SLC22A4: variants seen among roughly 807,000 people sequenced by gnomAD.
SLC22A4 encodes solute carrier family 22 member 4, also known as ET transporter.
A neutral mutation model predicts 56.6 loss-of-function variants in SLC22A4; 39 were observed. That is an observed-to-expected ratio of 0.69 (90% CI 0.53 to 0.90). SLC22A4 has a LOEUF of 0.90. Ranked by LOEUF, SLC22A4 falls within the 40% of genes least tolerant of loss-of-function variation. SLC22A4 has a pLI of 0.00. For missense variants in SLC22A4, 594 were observed against 696.5 expected (o/e 0.85, Z 1.66); for synonymous variants, 241 against 281.4 (o/e 0.86, Z 1.44).
chr5:132,294,884 G>A lies in SLC22A4; in HGVS notation c.268G>A (p.Ala90Thr). 1.3e-5 allele frequency: 21 copies of A among 1,598,818 alleles called. No homozygotes were observed. The highest frequency in any genetic ancestry group is 1.8e-5 in the Non-Finnish European group (21 of 1,174,414). ...SCSRYRLATI[A>T]NFSALGLEPG... is the part of the protein sequence containing the mutation. ...CAGCCGCTACCGGCTCGCCACCATCGCCAACTTCTCGGCGCTCGGGCTGGA... is the reference window on the plus strand; with the variant it reads ...CAGCCGCTACCGGCTCGCCACCATCACCAACTTCTCGGCGCTCGGGCTGGA... The change falls in exon 1 of 10, where the codon GCC becomes ACC. Residue 90 changes from alanine to threonine, a missense_variant. Transcript: ENST00000200652. This position sits in a 1 kb window ranked among gnomAD's most constrained non-coding sequence, Gnocchi z 5.6.
intron 4 of SLC22A4, chr5:132,324,665 T>C: frequency 2.2e-6 from 1 of 453,686 alleles, no homozygotes. Flanking sequence ...AAAGGGATGC[T>C]CATCAGTCTA....
intron 4 of SLC22A4, among the ~76,000 whole-genome samples, 175 bp downstream of exon 4, chr5:132,322,530 G>C (rs1256211581): frequency 6.6e-6 from 1 of 152,226 alleles, no homozygotes; most frequent in Non-Finnish European, 1.5e-5. Flanking sequence ...GTGTGCTGGA[G>C]TTTGAGTCTC....
intron 4 of SLC22A4, among the ~76,000 whole-genome samples, chr5:132,323,870 A>G (rs534761206): frequency 3.3e-4 from 51 of 152,276 alleles, no homozygotes; most frequent in African/African-American, 1.2e-3. Flanking sequence ...TCTAGTTGTC[A>G]TTTTGACCTA....
At chr5:132,341,380 C>T (rs272870) in intron 9 of SLC22A4, among the ~76,000 whole-genome samples, 107,221 of 151,778 alleles carry the variant, frequency 0.71, 38,393 homozygotes, top group African/African-American at 0.81. Flanking sequence ...ATCATGCCAC[C>T]GCACTCCAGA....
In SLC22A4 at chr5:132,341,111, C is replaced by T. The variant is rs35186843; in HGVS notation, c.1580+411C>T. Among the ~76,000 whole-genome samples, 599 of 149,602 alleles carry T rather than the reference C, an allele frequency of 4.0e-3. 4 individuals carry two copies. The highest frequency in any genetic ancestry group is 6.4e-3 in the Non-Finnish European group (435 of 67,512). On this transcript the variant is annotated intron_variant, in intron 9 of 9. Coordinates refer to ENST00000200652, the MANE Select transcript of SLC22A4 (RefSeq NM_003059.3). ...AGCCTGGGCAACAAGAGCAAAACTCCGTCTCAAAAAAAATAAATAAATAAT... is the reference window on the plus strand; with the variant it reads ...AGCCTGGGCAACAAGAGCAAAACTCTGTCTCAAAAAAAATAAATAAATAAT...
Position 132,312,183 on chromosome 5 carries a change from A to G in SLC22A4, c.416A>G (p.Asn139Ser). Reference sequence around the variant, plus strand: ...CAGTGGAATCTGGTGTGTGAGGACAACTGGAAGGTGCCCCTCACCACCTCC... The same window carrying G: ...CAGTGGAATCTGGTGTGTGAGGACAGCTGGAAGGTGCCCCTCACCACCTCC... ...VTEWNLVCED[N>S]WKVPLTTSLF... The change falls in exon 2 of 10, where the codon AAC (asparagine) becomes AGC (serine). Residue 139 changes from asparagine to serine, a missense_variant. Asn to Ser is a conservative substitution (Grantham distance 46). Transcript: ENST00000200652. 1 of 1,612,478 alleles carries G rather than the reference A, an allele frequency of 6.2e-7. No individual in the cohort carries two copies. Among genetic ancestry groups the G allele is most frequent in the South Asian group, 1.1e-5 (1 of 91,046 alleles).
chr5:132,331,706 T>C, intron 5 of SLC22A4, 50 bp from the exon 6 acceptor site: 1 of 1,304,194 alleles, frequency 7.7e-7, no homozygotes, highest in Non-Finnish European at 1.1e-6. Context: ...CCAAAGATAC[T>C]TCCTTACTAC....
In SLC22A4 at chr5:132,306,384, AATATATATATATATATATATATATATAT is replaced by A. The variant is rs55779142; in HGVS notation, c.394-5745_394-5718del. On this transcript the variant is annotated intron_variant, in intron 1 of 9. Transcript: ENST00000200652. ...AAAACGTGGTAGACCCAAACCGTGAAATATATATATATATATATATATATATATATATATATATATATATATATATATA... is the reference window on the plus strand; with the variant it reads ...AAAACGTGGTAGACCCAAACCGTGAAATATATATATATATATATATATATA... 3.2e-3 allele frequency among the ~76,000 whole-genome samples: 98 copies of A among 30,616 alleles called. 1 individual carries two copies. Among genetic ancestry groups the A allele is most frequent in the East Asian group, 8.2e-3 (9 of 1,096 alleles). The allele number at this position is 30,616 out of a possible 152,430, so 20.1% of individuals were successfully genotyped here.
intron 4 of SLC22A4, among the ~76,000 whole-genome samples, chr5:132,325,744 A>C (rs952892982): frequency 3.9e-5 from 6 of 152,214 alleles, no homozygotes; most frequent in African/African-American, 1.2e-4. Flanking sequence ...ATTCTAGGTC[A>C]ATACACCTAA....
Position 132,294,720 on chromosome 5 carries a change from A to G in SLC22A4, c.104A>G (p.Asn35Ser), listed in dbSNP as rs775173540. 6.2e-7 allele frequency: 1 copy of G among 1,614,076 alleles called. No homozygotes were observed. The highest frequency in any genetic ancestry group is 1.3e-5 in the African/African-American group (1 of 75,036). ...GCCAGCATCATCCCCAATGGCTTCAATGGTATGTCAGTCGTGTTCCTGGCG... is the reference window on the plus strand; with the variant it reads ...GCCAGCATCATCCCCAATGGCTTCAGTGGTATGTCAGTCGTGTTCCTGGCG... ...LSASIIPNGFNGMSVVFLAGT... is the reference protein window; with the variant it reads ...LSASIIPNGFSGMSVVFLAGT... The change falls in exon 1 of 10, where the codon AAT (asparagine) becomes AGT (serine). Residue 35 changes from asparagine to serine, a missense_variant. Physicochemically the swap from Asn to Ser is conservative, Grantham distance 46. Transcript: ENST00000200652. This position sits in a 1 kb window ranked among gnomAD's most constrained non-coding sequence, Gnocchi z 5.6.
intron 1 of SLC22A4, among the ~76,000 whole-genome samples, chr5:132,300,735 C>T (rs1198297158): frequency 6.6e-6 from 1 of 152,184 alleles, no homozygotes; most frequent in Non-Finnish European, 1.5e-5. Context: ...GCAGTCAGGG[C>T]TAGAGGAGTC....
intron 5 of SLC22A4, among the ~76,000 whole-genome samples, chr5:132,330,311 G>T (rs977947143): frequency 6.6e-6 from 1 of 152,168 alleles, no homozygotes; most frequent in Non-Finnish European, 1.5e-5. Context: ...CAAAGTCCTG[G>T]TACTTCATCC....
chr5:132,304,159 A>G (rs370673603), intron 1 of SLC22A4, among the ~76,000 whole-genome samples: 4 of 152,222 alleles, frequency 2.6e-5, no homozygotes, highest in South Asian at 2.1e-4. Flanking sequence ...AACAAACCTT[A>G]TAGATTTGCC....
chr5:132,306,523 T>C (rs1261701427), intron 1 of SLC22A4, among the ~76,000 whole-genome samples: 2 of 146,600 alleles, frequency 1.4e-5, no homozygotes, highest in African/African-American at 5.0e-5. Context: ...CTCAGCTCAC[T>C]GCAACCTCCA....
At chr5:132,330,969 G>C (rs911132485) in intron 5 of SLC22A4, among the ~76,000 whole-genome samples, 6 of 152,114 alleles carry the variant, frequency 3.9e-5, no homozygotes, top group Non-Finnish European at 7.3e-5. Flanking sequence ...ATAGCAGTAA[G>C]CTGAAGTTCA....
intron 3 of SLC22A4, among the ~76,000 whole-genome samples, chr5:132,318,114 G>A (rs558103592): frequency 2.0e-5 from 3 of 152,310 alleles, no homozygotes; most frequent in African/African-American, 7.2e-5. Context: ...ACTTTTGACT[G>A]GAGTGATTGG....
rs540792761 is a variant in SLC22A4, at chr5:132,311,945, G to T, written c.394-216G>T. ...TTCCAAAGAGGATCCTGAGTTTCAGGGAGGGCAGTGACCTGCCCCAGGTTA... is the reference window on the plus strand; with the variant it reads ...TTCCAAAGAGGATCCTGAGTTTCAGTGAGGGCAGTGACCTGCCCCAGGTTA... On this transcript the variant is annotated intron_variant, in intron 1 of 9. Transcript: ENST00000200652. 1.5e-4 allele frequency: 92 copies of T among 612,152 alleles called. No individual in the cohort carries two copies. In the South Asian group the frequency reaches 1.7e-3, roughly 11 times the overall value. 37.9% of individuals were successfully genotyped at this position (612,152 alleles called of 1,614,324 possible).
At chr5:132,324,516 G>T (rs1399168998) in intron 4 of SLC22A4, 1 of 471,084 alleles carries the variant, frequency 2.1e-6, no homozygotes, top group Non-Finnish European at 4.4e-6. Context: ...GACAGGACTT[G>T]CCCCAGACAG....
chr5:132,325,224 C>G (rs904469253), intron 4 of SLC22A4, among the ~76,000 whole-genome samples: 1 of 152,172 alleles, frequency 6.6e-6, no homozygotes, highest in Non-Finnish European at 1.5e-5. Context: ...TGAGGTATAT[C>G]GTGGCTGTGT....
Sources: allele counts gnomAD v4.1 joint callset (sites outside exome capture counted in the v4.1 genomes callset), GRCh38; gene constraint gnomAD v4.1.1; non-coding constraint Gnocchi (gnomAD v3.1); transcripts MANE v1.5; gene names NCBI Gene and HGNC (gene_info 2026-07-23, HGNC 2026-07-21).